Variants in HFM1 observed in about 807,000 individuals in gnomAD.
HFM1 encodes the protein helicase for meiosis 1.
A neutral mutation model predicts 192.1 loss-of-function variants in HFM1; 169 were observed. That is an observed-to-expected ratio of 0.88 (90% CI 0.78 to 1.00). The LOEUF (loss-of-function observed/expected upper bound fraction) is 1.00. HFM1 is among the 50% of genes least tolerant of loss of function. HFM1 has a pLI of 0.00. For missense variants in HFM1, 1,661 were observed against 1,668.0 expected (o/e 1.00, Z 0.07); for synonymous variants, 525 against 537.8 (o/e 0.98, Z 0.33).
chr1:91,264,416 A>G (rs1665520523), intron 36 of HFM1, among the ~76,000 whole-genome samples: 1 of 97,256 alleles, frequency 1.0e-5, no homozygotes, highest in Non-Finnish European at 1.9e-5. Flanking sequence ...TCTGTGGCCC[A>G]GGTGGAAGTG....
chr1:91,301,135 C>T (rs941140719), intron 30 of HFM1, among the ~76,000 whole-genome samples: 10 of 151,968 alleles, frequency 6.6e-5, no homozygotes, highest in Non-Finnish European at 1.3e-4. Flanking sequence ...TTCTTATACA[C>T]CAATAACAGA....
Position 91,300,047 on chromosome 1 carries a change from A to G in HFM1, c.3391+13302T>C, listed in dbSNP as rs570945287. ...TTGATAGACCGCTAGCAAGACTAATAAAGAAGAAAAGAGAGAAGAATCAAA... is the reference window on the plus strand; with the variant it reads ...TTGATAGACCGCTAGCAAGACTAATGAAGAAGAAAAGAGAGAAGAATCAAA... On this transcript the variant is annotated intron_variant, in intron 30 of 38. Coordinates refer to ENST00000370425, the MANE Select transcript of HFM1 (RefSeq NM_001017975.6). 2.0e-5 allele frequency among the ~76,000 whole-genome samples: 3 copies of G among 152,250 alleles called. No individual in the cohort carries two copies. The South Asian group carries it at 6.2e-4, about 32-fold the overall frequency.
chr1:91,300,963 A>G (rs752187040), intron 30 of HFM1, among the ~76,000 whole-genome samples: 1 of 152,220 alleles, frequency 6.6e-6, no homozygotes, highest in African/African-American at 2.4e-5. Flanking sequence ...GGAAATAAAG[A>G]GTATTCGATT....
At chr1:91,273,206 A>G (rs1666478536) in intron 34 of HFM1, among the ~76,000 whole-genome samples, 1 of 152,030 alleles carries the variant, frequency 6.6e-6, no homozygotes, top group Non-Finnish European at 1.5e-5. Context: ...ATACTAACAT[A>G]GAATTGTAAG....
At chr1:91,354,683 T>C (rs552070056) in intron 13 of HFM1, among the ~76,000 whole-genome samples, 4 of 152,182 alleles carry the variant, frequency 2.6e-5, no homozygotes, top group African/African-American at 9.6e-5. Flanking sequence ...GAGCATGAGA[T>C]GATACATTCA....
chr1:91,278,253 T>A lies in HFM1; in HGVS notation c.3392-1191A>T, dbSNP rs375605869. Among the ~76,000 whole-genome samples, 43 of 152,142 alleles carry A rather than the reference T, an allele frequency of 2.8e-4. 1 individual carries two copies. The East Asian group carries it at 6.6e-3, about 23-fold the overall frequency. On this transcript the variant is annotated intron_variant, in intron 30 of 38. Coordinates refer to ENST00000370425, the MANE Select transcript of HFM1 (RefSeq NM_001017975.6). ...TTACAGGAAAGAGAGATTGTTTCCA[T>A]CCTGACTCCTCTAAGTTAGAATTAA...
intron 20 of HFM1, among the ~76,000 whole-genome samples, chr1:91,326,880 G>A (rs1479905882): frequency 6.6e-6 from 1 of 152,192 alleles, no homozygotes; most frequent in Non-Finnish European, 1.5e-5. Context: ...AAGTTAAAGT[G>A]TAGAGTGTCT....
At chr1:91,378,378 C>T (rs1325310503) in intron 10 of HFM1, 25 bp downstream of exon 10, 1 of 1,518,214 alleles carries the variant, frequency 6.6e-7, no homozygotes, top group South Asian at 1.2e-5. Context: ...TTATGTTTAT[C>T]TCTGAAAGCG....
chr1:91,350,467 A>G lies in HFM1; in HGVS notation c.2206+271T>C, dbSNP rs1571055274. ...CTAACTTATTTTCAATGATTTAGACATTTCTGTTATTTTTATTGGAGCTGA... is the reference window on the plus strand; with the variant it reads ...CTAACTTATTTTCAATGATTTAGACGTTTCTGTTATTTTTATTGGAGCTGA... On this transcript the variant is annotated intron_variant, in intron 18 of 38. Coordinates refer to ENST00000370425, the MANE Select transcript of HFM1 (RefSeq NM_001017975.6). Among the ~76,000 whole-genome samples, 3 of 152,112 alleles carry G rather than the reference A, an allele frequency of 2.0e-5. No individual in the cohort carries two copies. In the South Asian group the frequency reaches 6.2e-4, roughly 31 times the overall value.
chr1:91,330,895 C>T (rs1653733342), intron 20 of HFM1, among the ~76,000 whole-genome samples: 1 of 152,042 alleles, frequency 6.6e-6, no homozygotes, highest in Admixed American at 6.6e-5. Context: ...CAATGAAGAA[C>T]AAAAATCACA....
rs1018759642 is a variant in HFM1 at position 91,387,386 on chromosome 1, C to T, written c.495-1552G>A. ...CCCTGTGGTAACTTTTCTGACACCT[C>T]CTGCTTAAAACCCAAAAGGTCAGAA... is the stretch of plus-strand genomic sequence containing the variant. On this transcript the variant is annotated intron_variant, in intron 4 of 38. Coordinates refer to ENST00000370425, the MANE Select transcript of HFM1 (RefSeq NM_001017975.6). Among the ~76,000 whole-genome samples, 7 of 151,854 alleles carry T rather than the reference C, an allele frequency of 4.6e-5. No individual in the cohort carries two copies. The East Asian group carries it at 1.4e-3, about 29-fold the overall frequency.
rs868446464 is a variant in HFM1 at position 91,351,767 on chromosome 1, G to A, written c.1978-124C>T. ...CTTGTCTGAAATAATACTTCAAAAA[G>A]GCCTTAAAAATGCTCTCATTTTTTT... On this transcript the variant is annotated intron_variant, in intron 16 of 38. Transcript: ENST00000370425. The A allele has an allele frequency of 6.8e-6, 3 of 438,592 alleles. No homozygotes were observed. The Middle Eastern group carries it at 9.6e-4, about 140-fold the overall frequency. The allele number at this position is 438,592 out of a possible 1,614,324, so 27.2% of individuals were successfully genotyped here.
intron 30 of HFM1, among the ~76,000 whole-genome samples, chr1:91,278,313 A>G (rs1182351450): frequency 1.3e-5 from 2 of 152,172 alleles, no homozygotes; most frequent in Admixed American, 6.6e-5. Flanking sequence ...TTAATTTATT[A>G]TATTTTAAAT....
intron 16 of HFM1, 50 bp downstream of exon 16, chr1:91,352,456 T>A (rs1368132592): frequency 7.2e-7 from 1 of 1,393,712 alleles, no homozygotes; most frequent in Non-Finnish European, 9.7e-7. Context: ...CACAATTTTT[T>A]TGTTTTTATC....
At chr1:91,389,331 T>G (rs1243399223) in intron 4 of HFM1, among the ~76,000 whole-genome samples, 2 of 152,100 alleles carry the variant, frequency 1.3e-5, no homozygotes, top group East Asian at 3.9e-4. Flanking sequence ...CTGGCTAATT[T>G]TCGTATTTTT....
Position 91,385,878 on chromosome 1 carries a change from CT to C in HFM1, c.495-45del, listed in dbSNP as rs1277811240. 3 of 1,518,626 alleles carry C rather than the reference CT, an allele frequency of 2.0e-6. No individual in the cohort carries two copies. In the African/African-American group the frequency reaches 4.2e-5, roughly 21 times the overall value. The allele number at this position is 1,518,626 out of a possible 1,614,324, so 94.1% of individuals were successfully genotyped here. On this transcript the variant is annotated intron_variant, in intron 4 of 38. Transcript: ENST00000370425. Reference sequence around the variant, plus strand: ...CCCACATATTTTCTCACGTGTAACACTTGCTTGGAATATGAAAAACTAGCAT... The same window carrying C: ...CCCACATATTTTCTCACGTGTAACACTGCTTGGAATATGAAAAACTAGCAT...
intron 30 of HFM1, among the ~76,000 whole-genome samples, chr1:91,302,213 C>A (rs780278502): frequency 5.3e-5 from 8 of 151,372 alleles, no homozygotes; most frequent in Non-Finnish European, 1.0e-4. Flanking sequence ...CAGAGAAATG[C>A]AAATCAAAAC....
chr1:91,357,919 T>C lies in HFM1; in HGVS notation c.1686-4620A>G, dbSNP rs113764780. Among the ~76,000 whole-genome samples, 593 of 152,318 alleles carry C rather than the reference T, an allele frequency of 3.9e-3. 2 individuals are homozygous for C. Among genetic ancestry groups the C allele is most frequent in the South Asian group, 0.011 (51 of 4,828 alleles). The stretch of plus-strand genomic sequence containing the variant: ...GGTAAAAGATCTGTACACTGAAAGC[T>C]ATCAAACAATGGTGACAGAAATCCA... On this transcript the variant is annotated intron_variant, in intron 13 of 38. Coordinates refer to ENST00000370425, the MANE Select transcript of HFM1 (RefSeq NM_001017975.6).
intron 21 of HFM1, 94 bp downstream of exon 21, chr1:91,324,581 C>T: frequency 1.5e-6 from 1 of 654,776 alleles, no homozygotes; most frequent in African/African-American, 1.8e-5. Flanking sequence ...CTCATTCATT[C>T]TTAAATTATA....
Sources: gnomAD v4.1 joint callset for allele counts (sites outside exome capture counted in the v4.1 genomes callset) on GRCh38, gnomAD v4.1.1 for gene constraint, MANE v1.5 for transcripts, NCBI Gene and HGNC (gene_info 2026-07-23, HGNC 2026-07-21) for gene names.